Variants in INPP5A observed in about 807,000 individuals in gnomAD.
INPP5A encodes the protein inositol polyphosphate-5-phosphatase A, also known as 43 kDa inositol polyphosphate 5-phophatase.
INPP5A carries 14 observed loss-of-function variants against 65.2 expected under a neutral mutation model. The ratio of observed to expected loss-of-function variants is 0.21; its 90% CI spans 0.14 to 0.34. The LOEUF is 0.34. Ranked by LOEUF, INPP5A falls within the 10% of genes least tolerant of loss-of-function variation. INPP5A has a pLI of 1.00. For synonymous variants in INPP5A, 207 were observed against 208.3 expected (o/e 0.99, Z 0.05); for missense variants, 431 against 545.6 (o/e 0.79, Z 2.09).
chr10:132,669,279 G>C (rs1258375494), intron 4 of INPP5A, among the ~76,000 whole-genome samples: 1 of 152,188 alleles, frequency 6.6e-6, no homozygotes, highest in East Asian at 1.9e-4. Context: ...CAGCCGGTGA[G>C]TAGCACCAGC....
intron 9 of INPP5A, among the ~76,000 whole-genome samples, chr10:132,737,847 A>T (rs764253131): frequency 1.3e-5 from 2 of 152,242 alleles, no homozygotes. Context: ...TATAGGGCCT[A>T]TGACATCAAC....
At chr10:132,686,516 G>C (rs1377093745) in intron 4 of INPP5A, among the ~76,000 whole-genome samples, 1 of 152,212 alleles carries the variant, frequency 6.6e-6, no homozygotes, top group Non-Finnish European at 1.5e-5. Context: ...CAATGTCCTG[G>C]TGTCTGTGAT....
chr10:132,781,943 G>A lies in INPP5A; in HGVS notation c.*2G>A, dbSNP rs780990064. 64 of 1,613,510 alleles carry A rather than the reference G, an allele frequency of 4.0e-5. No homozygotes were observed. Among genetic ancestry groups the A allele is most frequent in the Non-Finnish European group, 4.7e-5 (55 of 1,179,786 alleles). ...CACAAGTGTTGTGTCGTGCAGTGAC[G>A]TGGTGGTAAATATGACTCCTCCCTC... On this transcript the variant is annotated 3_prime_UTR_variant, in exon 15 of 16. Coordinates refer to ENST00000368594, the MANE Select transcript of INPP5A (RefSeq NM_005539.5).
chr10:132,696,179 C>T (rs1312820218), intron 5 of INPP5A, among the ~76,000 whole-genome samples: 1 of 152,168 alleles, frequency 6.6e-6, no homozygotes, highest in East Asian at 1.9e-4. Flanking sequence ...GTTTACAAAC[C>T]ACCCAGTCTA....
chr10:132,635,413 T>G (rs1372930378), intron 2 of INPP5A, among the ~76,000 whole-genome samples: 1 of 138,484 alleles, frequency 7.2e-6, no homozygotes, highest in African/African-American at 2.7e-5. Flanking sequence ...TTTTTTTTTT[T>G]GAGACGGAGT....
intron 2 of INPP5A, among the ~76,000 whole-genome samples, chr10:132,636,177 G>GTGTGTC (rs1554938367): frequency 6.6e-6 from 1 of 151,922 alleles, no homozygotes; most frequent in Non-Finnish European, 1.5e-5. Flanking sequence ...GTGTGTGTGT[G>GTGTGTC]TGTGTGTGTG....
rs775793924 is a variant in INPP5A at position 132,708,340 on chromosome 10, C to T, written c.502C>T (p.Arg168Trp). Residue 168 changes from arginine to tryptophan, a missense_variant, in exon 7 of 16, where the codon CGG becomes TGG. Coordinates refer to ENST00000368594, the MANE Select transcript of INPP5A (RefSeq NM_005539.5). ...CAAATGGTCAAGAAAAGGCTTCATCCGGACGAGGTGGTGCATTGCAGACTG... is the reference window on the plus strand; with the variant it reads ...CAAATGGTCAAGAAAAGGCTTCATCTGGACGAGGTGGTGCATTGCAGACTG... ...ECKWSRKGFI[R>W]TRWCIADCAF... The T allele has an allele frequency of 1.1e-5, 17 of 1,614,114 alleles. No homozygotes were observed. Among genetic ancestry groups the T allele is most frequent in the Non-Finnish European group, 1.3e-5 (15 of 1,179,986 alleles).
At chr10:132,751,963 G>A (rs1846490168) in intron 11 of INPP5A, among the ~76,000 whole-genome samples, 2 of 136,344 alleles carry the variant, frequency 1.5e-5, no homozygotes, top group Non-Finnish European at 3.2e-5. Flanking sequence ...TGCGTGAAAG[G>A]GGGTGCACAG....
chr10:132,682,035 G>A (rs755722153), intron 4 of INPP5A, among the ~76,000 whole-genome samples: 2 of 152,186 alleles, frequency 1.3e-5, no homozygotes, highest in Admixed American at 6.5e-5. Flanking sequence ...AGGGGCTGGG[G>A]AGAGCGGGAA....
chr10:132,541,642 C>T (rs1400980743), intron 1 of INPP5A, among the ~76,000 whole-genome samples: 2 of 152,232 alleles, frequency 1.3e-5, no homozygotes, highest in African/African-American at 4.8e-5. Flanking sequence ...CACTAGCTGG[C>T]AGAGCGATTA....
chr10:132,631,281 G>T (rs1000675081), intron 2 of INPP5A, among the ~76,000 whole-genome samples: 2 of 152,194 alleles, frequency 1.3e-5, no homozygotes, highest in African/African-American at 4.8e-5. Context: ...GTCTGACCAG[G>T]GGCCTGTGGG....
At chr10:132,724,524 C>T (rs780594640) in intron 8 of INPP5A, among the ~76,000 whole-genome samples, 1 of 152,206 alleles carries the variant, frequency 6.6e-6, no homozygotes, top group African/African-American at 2.4e-5. Flanking sequence ...AAAGGCCAGC[C>T]CCAGGCCAGC....
At chr10:132,568,594 C>CAAA (rs113219823) in intron 1 of INPP5A, among the ~76,000 whole-genome samples, 2 of 130,780 alleles carry the variant, frequency 1.5e-5, no homozygotes, top group South Asian at 2.3e-4. Flanking sequence ...ACTAAAAATA[C>CAAA]AAAAAAAAAA....
chr10:132,689,627 T>C (rs1434761466), intron 4 of INPP5A, among the ~76,000 whole-genome samples: 1 of 152,082 alleles, frequency 6.6e-6, no homozygotes, highest in Non-Finnish European at 1.5e-5. Flanking sequence ...AAGAAAAAAA[T>C]ACACAGAAAT....
intron 11 of INPP5A, among the ~76,000 whole-genome samples, 157 bp from the exon 12 acceptor site, chr10:132,765,616 C>G (rs1846827844): frequency 6.6e-6 from 1 of 152,250 alleles, no homozygotes; most frequent in South Asian, 2.1e-4. Flanking sequence ...ACACCAGAGC[C>G]TGCTGGCACC....
At chr10:132,773,611 G>A (rs936098113) in intron 12 of INPP5A, among the ~76,000 whole-genome samples, 8 of 152,208 alleles carry the variant, frequency 5.3e-5, no homozygotes, top group Admixed American at 1.3e-4. Context: ...GAGCGAGGCC[G>A]CCCGTCCGCC....
intron 8 of INPP5A, among the ~76,000 whole-genome samples, chr10:132,715,988 G>C (rs1258595931): frequency 1.3e-5 from 2 of 152,248 alleles, no homozygotes; most frequent in African/African-American, 4.8e-5. Flanking sequence ...TGTCGCCTTA[G>C]CCTCTCCAGG....
intron 12 of INPP5A, among the ~76,000 whole-genome samples, chr10:132,776,365 G>C (rs753867173): frequency 3.3e-5 from 5 of 152,056 alleles, no homozygotes; most frequent in Non-Finnish European, 7.4e-5. Context: ...CCAGTCCCCG[G>C]CTGTTTCCAG....
At chr10:132,667,979 G>A (rs1165493150) in intron 4 of INPP5A, among the ~76,000 whole-genome samples, 3 of 152,170 alleles carry the variant, frequency 2.0e-5, no homozygotes, top group African/African-American at 2.4e-5. Flanking sequence ...AGCAAATTCC[G>A]GAGCTTTGAC....
Sources: allele counts gnomAD v4.1 joint callset (sites outside exome capture counted in the v4.1 genomes callset), GRCh38; gene constraint gnomAD v4.1.1; transcripts MANE v1.5; gene names NCBI Gene and HGNC (gene_info 2026-07-23, HGNC 2026-07-21).